Variants in RPS9 observed in about 807,000 individuals in gnomAD.
The protein encoded by RPS9 is small ribosomal subunit protein uS4.
In RPS9, 1 loss-of-function variant was observed where a neutral mutation model predicts 16.9. The ratio of observed to expected loss-of-function variants is 0.06; its 90% CI spans 0.02 to 0.28. The LOEUF is 0.28. RPS9 is among the 10% of genes least tolerant of loss of function. The pLI is 1.00. For synonymous variants in RPS9, 106 were observed against 110.9 expected (o/e 0.96, Z 0.28); for missense variants, 137 against 273.2 (o/e 0.50, Z 3.51).
At chr19:54,201,455 A>T (rs906212906) in intron 2 of RPS9, 32 bp from the exon 3 acceptor site, 10 of 1,613,746 alleles carry the variant, frequency 6.2e-6, no homozygotes, top group Non-Finnish European at 8.5e-6. Flanking sequence ...AGTACGTGGG[A>T]CTACACTTGT....
At chr19:54,206,744 C>G in intron 4 of RPS9, 1 of 1,462,364 alleles carries the variant, frequency 6.8e-7, no homozygotes, top group Non-Finnish European at 9.0e-7. Context: ...CTTGGTGTCC[C>G]CAGTGGAGGG....
intron 3 of RPS9, 98 bp from the exon 4 acceptor site, chr19:54,206,170 TGCCTCACC>T (rs2077233913): frequency 9.0e-7 from 1 of 1,115,710 alleles, no homozygotes. Context: ...GTACTACTTG[TGCCTCACC>T]GCCGCGGCAT....
At chr19:54,202,618 C>CT (rs2147138123) in intron 3 of RPS9, 1 of 985,382 alleles carries the variant, frequency 1.0e-6, no homozygotes, top group South Asian at 4.7e-5. Flanking sequence ...AAAATCTACT[C>CT]TGAGATGCGG....
intron 4 of RPS9, chr19:54,207,081 G>A (rs960332657): frequency 6.5e-6 from 3 of 460,630 alleles, no homozygotes; most frequent in African/African-American, 3.9e-5. Flanking sequence ...TCAGGTGTGG[G>A]GTTCACGATA....
chr19:54,207,378 C>T lies in RPS9; in HGVS notation c.408-20C>T, dbSNP rs965505532. On this transcript the variant is annotated intron_variant, in intron 4 of 4. Transcript: ENST00000302907. ...CGTCCGTTTCTCCTCCAGTCCACCT[C>T]ACCTTGTCGCTGCTTCCAGGGTCCG... is the stretch of plus-strand genomic sequence containing the variant. 6.3e-7 allele frequency: 1 copy of T among 1,596,024 alleles called. No individual in the cohort carries two copies. The highest frequency in any genetic ancestry group is 8.6e-7 in the Non-Finnish European group (1 of 1,167,800).
chr19:54,202,645 T>C (rs2077098868), intron 3 of RPS9: 2 of 985,330 alleles, frequency 2.0e-6, no homozygotes, highest in Non-Finnish European at 2.4e-6. Context: ...TGGAGTGCTT[T>C]CTACAGCAGA....
chr19:54,201,410 T>TG (rs1273226744), intron 2 of RPS9, 77 bp from the exon 3 acceptor site: 1 of 1,608,472 alleles, frequency 6.2e-7, no homozygotes, highest in African/African-American at 1.3e-5. Context: ...AGGAAGGTTT[T>TG]GTGATTCCAA....
At chr19:54,201,725 C>A in intron 3 of RPS9, 116 bp downstream of exon 3, 1 of 1,499,660 alleles carries the variant, frequency 6.7e-7, no homozygotes, top group South Asian at 1.3e-5. Context: ...ATGGAACCAG[C>A]CTTCTAACTT....
At chr19:54,201,349 C>G in intron 2 of RPS9, 68 bp downstream of exon 2, 1 of 1,611,874 alleles carries the variant, frequency 6.2e-7, no homozygotes, top group Non-Finnish European at 8.5e-7. Flanking sequence ...GATGAAGGTG[C>G]CCATGTACTC....
At chr19:54,202,300 C>G (rs1490744957) in intron 3 of RPS9, 1 of 394,624 alleles carries the variant, frequency 2.5e-6, no homozygotes, top group Non-Finnish European at 3.4e-6. Flanking sequence ...ATTCTCCTGT[C>G]TTAGCCTCCT....
intron 3 of RPS9, chr19:54,202,944 C>T (rs2077110980): frequency 4.1e-6 from 4 of 967,480 alleles, no homozygotes; most frequent in Non-Finnish European, 4.9e-6. Context: ...GTGATCCATC[C>T]ACCTCAGCTT....
intron 3 of RPS9, 181 bp downstream of exon 3, chr19:54,201,790 T>A (rs2077062938): frequency 1.5e-6 from 2 of 1,353,512 alleles, no homozygotes. Context: ...TTGCCCTGTT[T>A]CTTAGGTGTG....
rs1236450868 is a variant in RPS9, at chr19:54,201,470, C to T, written c.98-17C>T. On this transcript the variant is annotated splice_polypyrimidine_tract_variant and intron_variant, in intron 2 of 4. Coordinates refer to ENST00000302907, the MANE Select transcript of RPS9 (RefSeq NM_001013.4). ...AGTACGTGGGACTACACTTGTCCAC[C>T]CCCTTCTCCCCACCAGGCGAGTATG... The T allele has an allele frequency of 6.2e-6, 10 of 1,613,820 alleles. No individual in the cohort carries two copies. The highest frequency in any genetic ancestry group is 1.3e-5 in the African/African-American group (1 of 74,860).
At chr19:54,203,309 G>C in intron 3 of RPS9, 1 of 985,326 alleles carries the variant, frequency 1.0e-6, no homozygotes, top group Non-Finnish European at 1.2e-6. Flanking sequence ...AAGCCATCTA[G>C]CCTAGTCAGG....
intron 3 of RPS9, among the ~76,000 whole-genome samples, chr19:54,204,296 C>T (rs938942467): frequency 4.6e-5 from 7 of 152,156 alleles, no homozygotes; most frequent in African/African-American, 1.4e-4. Context: ...TCCCAGGAGG[C>T]GGAGTTTGCA....
In RPS9 at chr19:54,201,181, C is replaced by A. The variant is rs373642511; in HGVS notation, c.-4C>A. The A allele has an allele frequency of 6.2e-7, 1 of 1,613,554 alleles. No homozygotes were observed. The highest frequency in any genetic ancestry group is 8.5e-7 in the Non-Finnish European group (1 of 1,179,996). ...GCAGGCGCAGACGGGGAAGCGGAGC[C>A]AACATGCCAGTGGCCCGGAGCTGGG... On this transcript the variant is annotated 5_prime_UTR_variant, in exon 2 of 5. Transcript: ENST00000302907.
intron 3 of RPS9, among the ~76,000 whole-genome samples, chr19:54,205,681 T>G (rs1210333489): frequency 6.6e-6 from 1 of 151,994 alleles, no homozygotes; most frequent in Admixed American, 6.6e-5. Flanking sequence ...TGTAAGGAGG[T>G]GATTTCCTTT....
intron 4 of RPS9, 96 bp downstream of exon 4, chr19:54,206,558 G>T (rs536056443): frequency 1.3e-6 from 2 of 1,564,942 alleles, no homozygotes; most frequent in Admixed American, 1.9e-5. Context: ...TGCAGCCCTC[G>T]GAGGTGATGG....
intron 4 of RPS9, chr19:54,206,792 G>A: frequency 1.5e-6 from 2 of 1,366,904 alleles, no homozygotes; most frequent in Non-Finnish European, 1.9e-6. Context: ...GGTGGGTTCA[G>A]CTGTCTCCTG....
Sources: allele counts gnomAD v4.1 joint callset (sites outside exome capture counted in the v4.1 genomes callset), GRCh38; gene constraint gnomAD v4.1.1; transcripts MANE v1.5; gene names NCBI Gene and HGNC (gene_info 2026-07-23, HGNC 2026-07-21).